Variants in IL7 observed in about 807,000 individuals in gnomAD.
The protein encoded by IL7 is interleukin-7.
Under a neutral mutation model 21.6 loss-of-function variants are expected in IL7, and 3 were observed. That is an observed-to-expected ratio of 0.14 (90% CI 0.06 to 0.36). The LOEUF (loss-of-function observed/expected upper bound fraction) is 0.36, where lower values mean the gene tolerates loss of function less well. Among genes scored for constraint, IL7 ranks in the 10% least tolerant of loss-of-function variants. The pLI, the probability that IL7 is intolerant of heterozygous loss-of-function variation, is 1.00. For missense variants in IL7, 175 were observed against 200.2 expected, an observed-to-expected ratio of 0.87 and a Z score of 0.76; for synonymous variants, 62 against 68.1, an observed-to-expected ratio of 0.91 and a Z score of 0.44.
At chr8:78,762,514 G>A (rs1812605131) in intron 2 of IL7, 2 of 1,005,506 alleles carry the variant, frequency 2.0e-6, no homozygotes, top group South Asian at 6.6e-5. Context: ...CCGGGGAGGG[G>A]AGCCAGGCCG....
intron 4 of IL7, among the ~76,000 whole-genome samples, chr8:78,684,118 C>T (rs1585990149): frequency 6.6e-6 from 1 of 152,172 alleles, no homozygotes; most frequent in Non-Finnish European, 1.5e-5. Context: ...CTGCTCGTTA[C>T]CCAGTTCCAA....
At chr8:78,777,999 T>C (rs1813188740) in intron 2 of IL7, among the ~76,000 whole-genome samples, 1 of 152,056 alleles carries the variant, frequency 6.6e-6, no homozygotes, top group Non-Finnish European at 1.5e-5. Flanking sequence ...CCTCTAGAGC[T>C]ACATGGGGCC....
chr8:78,683,396 C>G (rs1809853854), intron 4 of IL7, among the ~76,000 whole-genome samples: 1 of 152,268 alleles, frequency 6.6e-6, no homozygotes. Flanking sequence ...CTCTTGATTT[C>G]TGTGCACCTG....
chr8:78,696,216 A>T lies in IL7; in HGVS notation n.215-10269T>A, dbSNP rs2130535890. Among the ~76,000 whole-genome samples the T allele has an allele frequency of 3.9e-5, 6 of 152,172 alleles. No homozygotes were observed. In the East Asian group the frequency reaches 9.7e-4, roughly 25 times the overall value. ...CGCCCGGCTAATTTTTTGTATTTTTAGTAGAGACGGGGTTTCACTGTGTTA... is the reference window on the plus strand; with the variant it reads ...CGCCCGGCTAATTTTTTGTATTTTTTGTAGAGACGGGGTTTCACTGTGTTA... On this transcript the variant is annotated intron_variant and non_coding_transcript_variant, in intron 3 of 4. Coordinates refer to the IL7 transcript ENST00000523959.
chr8:78,736,391 G>C, intron 5 of IL7, 83 bp downstream of exon 5: 1 of 815,532 alleles, frequency 1.2e-6, no homozygotes, highest in East Asian at 2.7e-5. Flanking sequence ...CTATAAGAAG[G>C]AAACAATTCA....
At chr8:78,732,448 C>T (rs998441559), downstream of IL7, among the ~76,000 whole-genome samples, 1 of 152,092 alleles carries the variant, frequency 6.6e-6, no homozygotes, top group Non-Finnish European at 1.5e-5. Context: ...CCCATCAGCA[C>T]ATAACTAGAT....
At chr8:78,740,776 G>A (rs947381345) in intron 2 of IL7, among the ~76,000 whole-genome samples, 1 of 152,112 alleles carries the variant, frequency 6.6e-6, no homozygotes, top group East Asian at 1.9e-4. Context: ...CAATTTTCTG[G>A]GATGGTTGAG....
At chr8:78,756,061 C>T (rs941617533) in intron 2 of IL7, among the ~76,000 whole-genome samples, 9 of 151,806 alleles carry the variant, frequency 5.9e-5, no homozygotes, top group African/African-American at 2.2e-4. Context: ...ATATCAAATG[C>T]TTTTTTTCTG....
chr8:78,753,835 C>G (rs564304462), intron 2 of IL7, among the ~76,000 whole-genome samples: 47 of 152,266 alleles, frequency 3.1e-4, no homozygotes, highest in African/African-American at 1.1e-3. Context: ...ATAGGGAAAC[C>G]TTTCCCCATT....
chr8:78,711,123 A>G (rs937297422), intron 3 of IL7, among the ~76,000 whole-genome samples: 23 of 152,268 alleles, frequency 1.5e-4, no homozygotes, highest in African/African-American at 5.1e-4. Context: ...TGAGTGAGCA[A>G]ATATCTCTTA....
chr8:78,760,752 C>G, intron 2 of IL7: 2 of 1,551,796 alleles, frequency 1.3e-6, no homozygotes, highest in Non-Finnish European at 1.7e-6. Flanking sequence ...CCCTGGTGAG[C>G]TCTGCGGAAT....
At chr8:78,759,057 T>TCCC (rs60991823) in intron 2 of IL7, among the ~76,000 whole-genome samples, 76 of 145,748 alleles carry the variant, frequency 5.2e-4, no homozygotes, top group African/African-American at 1.8e-3. Flanking sequence ...ATTCTTTTAT[T>TCCC]CCCCCCCCCA....
intron 1 of IL7, among the ~76,000 whole-genome samples, chr8:78,801,115 G>T (rs1814041686): frequency 1.3e-5 from 2 of 152,160 alleles, no homozygotes; most frequent in Non-Finnish European, 2.9e-5. Flanking sequence ...TGCCTTGCCT[G>T]TTAAGAGTGT....
At chr8:78,723,092 A>AATATATATATAT (rs71264200) in intron 3 of IL7, among the ~76,000 whole-genome samples, 4,998 of 140,298 alleles carry the variant, frequency 0.036, 124 homozygotes, top group East Asian at 0.067. Context: ...TAGAAGTACA[A>AATATATATATAT]ATATATATAT....
chr8:78,689,506 C>A, intron 3 of IL7: 5 of 780,672 alleles, frequency 6.4e-6, no homozygotes, highest in African/African-American at 1.8e-5. Context: ...TTTTATATAT[C>A]TATAAAAGTT....
At chr8:78,782,830 C>CA (rs1813383921) in intron 2 of IL7, among the ~76,000 whole-genome samples, 1 of 152,076 alleles carries the variant, frequency 6.6e-6, no homozygotes, top group Admixed American at 6.6e-5. Flanking sequence ...CTCCTCCCCC[C>CA]AGAAGCTCCA....
At chr8:78,722,874 C>A (rs1046138235) in intron 3 of IL7, among the ~76,000 whole-genome samples, 1 of 151,664 alleles carries the variant, frequency 6.6e-6, no homozygotes, top group Non-Finnish European at 1.5e-5. Context: ...AAAGTAACTT[C>A]TTTATTATGT....
At chr8:78,676,829 C>CT (rs1809597136) in intron 4 of IL7, among the ~76,000 whole-genome samples, 1 of 151,694 alleles carries the variant, frequency 6.6e-6, no homozygotes, top group African/African-American at 2.4e-5. Flanking sequence ...AAAAAAGTGC[C>CT]TTTTTTGGCT....
intron 4 of IL7, chr8:78,678,717 G>A: frequency 1.4e-6 from 2 of 1,400,724 alleles, no homozygotes; most frequent in South Asian, 1.4e-5. Context: ...GAACTTTGGT[G>A]TTATGTATGT....
Sources: gnomAD v4.1 joint callset for allele counts (sites outside exome capture counted in the v4.1 genomes callset) on GRCh38, gnomAD v4.1.1 for gene constraint, MANE v1.5 for transcripts, NCBI Gene and HGNC (gene_info 2026-07-23, HGNC 2026-07-21) for gene names.